Variants in ZNF423 observed in about 807,000 individuals in gnomAD.
The protein encoded by ZNF423 is Ebf-associated zinc finger protein.
ZNF423 carries 12 observed loss-of-function variants against 95.8 expected under a neutral mutation model. The ratio of observed to expected loss-of-function variants is 0.13; its 90% CI spans 0.08 to 0.20. ZNF423 has a LOEUF of 0.20. Ranked by LOEUF, ZNF423 falls within the 10% of genes least tolerant of loss-of-function variation. The pLI, the probability that ZNF423 is intolerant of heterozygous loss-of-function variation, is 1.00. For missense variants in ZNF423, 1,316 were observed against 1,737.1 expected, an observed-to-expected ratio of 0.76 and a Z score of 4.31; for synonymous variants, 749 against 711.9, an observed-to-expected ratio of 1.05 and a Z score of -0.83.
At chr16:49,669,865 G>T (rs78385284) in intron 3 of ZNF423, among the ~76,000 whole-genome samples, 1,963 of 152,266 alleles carry the variant, frequency 0.013, 40 homozygotes, top group African/African-American at 0.045. Context: ...TCCCCTCCTT[G>T]GCTCTGCTTA....
intron 5 of ZNF423, among the ~76,000 whole-genome samples, chr16:49,614,267 G>T (rs1971807977): frequency 6.6e-6 from 1 of 152,220 alleles, no homozygotes; most frequent in Non-Finnish European, 1.5e-5. Flanking sequence ...GCAACTATCA[G>T]ATTGGCTAAA....
chr16:49,766,725 C>T (rs1861332), intron 2 of ZNF423, among the ~76,000 whole-genome samples: 24,393 of 152,194 alleles, frequency 0.16, 2,027 homozygotes, highest in South Asian at 0.26. Context: ...ATAAAAGCAA[C>T]AGCTTCAGCA....
chr16:49,681,294 A>G (rs1291354033), intron 3 of ZNF423, among the ~76,000 whole-genome samples: 1 of 152,206 alleles, frequency 6.6e-6, no homozygotes, highest in Non-Finnish European at 1.5e-5. Flanking sequence ...ATAAAATCCA[A>G]CAGCATCCAG....
At chr16:49,674,139 A>C (rs2030940267) in intron 3 of ZNF423, among the ~76,000 whole-genome samples, 1 of 152,222 alleles carries the variant, frequency 6.6e-6, no homozygotes, top group African/African-American at 2.4e-5. Context: ...ATAACACAAG[A>C]GTTCTAGCAT....
intron 1 of ZNF423, among the ~76,000 whole-genome samples, chr16:49,805,244 C>A (rs1300400100): frequency 6.6e-6 from 1 of 152,138 alleles, no homozygotes; most frequent in African/African-American, 2.4e-5. Context: ...TTTCTCCCAC[C>A]TTCCAGTTCA....
chr16:49,685,625 A>C (rs2031534423), intron 3 of ZNF423, among the ~76,000 whole-genome samples: 2 of 152,078 alleles, frequency 1.3e-5, no homozygotes, highest in South Asian at 4.2e-4. Flanking sequence ...TCCAAAATTT[A>C]ATCCATTTCC....
chr16:49,616,029 C>T (rs13333217), intron 5 of ZNF423, among the ~76,000 whole-genome samples: 16,066 of 152,172 alleles, frequency 0.11, 951 homozygotes, highest in East Asian at 0.16. Flanking sequence ...TGGACACAAT[C>T]AGGAGCTCTT....
chr16:49,517,705 C>A, intron 7 of ZNF423: 1 of 236,368 alleles, frequency 4.2e-6, no homozygotes, highest in Non-Finnish European at 8.4e-6. Flanking sequence ...TAGATCAGGC[C>A]AGTTAATGGT....
At chr16:49,631,931 T>G (rs1972517237) in intron 4 of ZNF423, among the ~76,000 whole-genome samples, 1 of 152,184 alleles carries the variant, frequency 6.6e-6, no homozygotes, top group Admixed American at 6.5e-5. Context: ...CGATGCCCAC[T>G]GTCTGAGCTG....
At chr16:49,770,944 T>C (rs1358012384) in intron 2 of ZNF423, among the ~76,000 whole-genome samples, 1 of 151,886 alleles carries the variant, frequency 6.6e-6, no homozygotes, top group East Asian at 1.9e-4. Context: ...CCACCTTCCC[T>C]CCCTCGCACC....
chr16:49,700,060 G>C (rs796128492), intron 3 of ZNF423, among the ~76,000 whole-genome samples: 37 of 152,184 alleles, frequency 2.4e-4, no homozygotes, highest in African/African-American at 8.4e-4. Flanking sequence ...AGACCCAGAG[G>C]CTGCCAGGAA....
intron 5 of ZNF423, among the ~76,000 whole-genome samples, chr16:49,526,686 C>G (rs1294533474): frequency 6.6e-6 from 1 of 152,230 alleles, no homozygotes; most frequent in Non-Finnish European, 1.5e-5. Flanking sequence ...GGGTTGGAAT[C>G]CGTCCCTCCC....
chr16:49,514,085 T>C (rs772383049), intron 7 of ZNF423, among the ~76,000 whole-genome samples: 1 of 151,708 alleles, frequency 6.6e-6, no homozygotes, highest in Non-Finnish European at 1.5e-5. Context: ...AGATACTTGG[T>C]ACTGGCTCTT....
At chr16:49,541,188 G>A (rs923249200) in intron 5 of ZNF423, among the ~76,000 whole-genome samples, 1 of 152,204 alleles carries the variant, frequency 6.6e-6, no homozygotes, top group Non-Finnish European at 1.5e-5. Flanking sequence ...CACTGCTTAG[G>A]CATTTCCCAG....
chr16:49,511,525 G>A (rs989800655), intron 7 of ZNF423, among the ~76,000 whole-genome samples: 10 of 152,212 alleles, frequency 6.6e-5, no homozygotes, highest in African/African-American at 2.2e-4. Flanking sequence ...GAGGTCCTAA[G>A]AGGCTACCCA....
intron 2 of ZNF423, among the ~76,000 whole-genome samples, chr16:49,744,205 G>A (rs1228633213): frequency 1.3e-5 from 2 of 152,248 alleles, no homozygotes; most frequent in Non-Finnish European, 2.9e-5. Flanking sequence ...GACATTCTCT[G>A]ATGTCTCCAG....
At chr16:49,547,897 T>C (rs1013418551) in intron 5 of ZNF423, among the ~76,000 whole-genome samples, 4 of 152,144 alleles carry the variant, frequency 2.6e-5, no homozygotes, top group Admixed American at 2.0e-4. Flanking sequence ...GGGAAGGAGG[T>C]TACAACGAGG....
intron 3 of ZNF423, among the ~76,000 whole-genome samples, chr16:49,660,265 T>C (rs962078359): frequency 6.6e-6 from 1 of 152,098 alleles, no homozygotes; most frequent in African/African-American, 2.4e-5. Flanking sequence ...TTGGTAACTG[T>C]GGCATGAATA....
chr16:49,604,870 C>T (rs187945129), intron 5 of ZNF423, among the ~76,000 whole-genome samples: 136 of 152,302 alleles, frequency 8.9e-4, no homozygotes, highest in African/African-American at 3.2e-3. Context: ...CTGTCCCCTC[C>T]AGAACCCAGA....
Sources: allele counts gnomAD v4.1 joint callset (sites outside exome capture counted in the v4.1 genomes callset), GRCh38; gene constraint gnomAD v4.1.1; transcripts MANE v1.5; gene names NCBI Gene and HGNC (gene_info 2026-07-23, HGNC 2026-07-21).